The following CCDC201 variants were observed in gnomAD, a reference collection of about 807,000 sequenced individuals.
The protein encoded by CCDC201 is coiled-coil domain-containing protein 201.
At chr7:45,875,973 A>G (rs1261601947), upstream of CCDC201, among the ~76,000 whole-genome samples, 1 of 152,220 alleles carries the variant, frequency 6.6e-6, no homozygotes, top group African/African-American at 2.4e-5. Context: ...TGCAGAGATG[A>G]CCACGCCCTA....
At chr7:45,868,170 G>A (rs1786700200) in intron 1 of CCDC201, among the ~76,000 whole-genome samples, 1 of 152,172 alleles carries the variant, frequency 6.6e-6, no homozygotes, top group Admixed American at 6.5e-5. Flanking sequence ...TGGGGATGGA[G>A]GTTCTATGCC....
At chr7:45,877,442 A>G (rs1311280965), upstream of CCDC201, among the ~76,000 whole-genome samples, 3 of 152,198 alleles carry the variant, frequency 2.0e-5, no homozygotes, top group Non-Finnish European at 4.4e-5. Context: ...ATAAAGAAAT[A>G]CCTGAAACTG....
chr7:45,883,955 ATCTTTCTT>A, the CCDC201 span, among the ~76,000 whole-genome samples: 1 of 151,308 alleles, frequency 6.6e-6, no homozygotes, highest in Admixed American at 6.6e-5. Flanking sequence ...TCCAGAACCG[ATCTTTCTT>A]TCTTTTTCTT....
chr7:45,873,359 C>A (rs1446371599), upstream of CCDC201, among the ~76,000 whole-genome samples: 1 of 135,908 alleles, frequency 7.4e-6, no homozygotes, highest in Non-Finnish European at 1.6e-5. Context: ...AGATTACCAC[C>A]CCAACTCAAT....
chr7:45,880,695 C>T, the CCDC201 span, among the ~76,000 whole-genome samples: 1 of 152,248 alleles, frequency 6.6e-6, no homozygotes, highest in African/African-American at 2.4e-5. Context: ...TCGCAAAGTC[C>T]TGCAGAGCCA....
At chr7:45,868,318 G>C (rs1786702075) in intron 1 of CCDC201, among the ~76,000 whole-genome samples, 1 of 152,112 alleles carries the variant, frequency 6.6e-6, no homozygotes, top group Non-Finnish European at 1.5e-5. Flanking sequence ...AGGAGAGTAG[G>C]CCAAAAGAGC....
At chr7:45,875,544 C>A (rs1786791654), upstream of CCDC201, among the ~76,000 whole-genome samples, 1 of 152,022 alleles carries the variant, frequency 6.6e-6, no homozygotes, top group Non-Finnish European at 1.5e-5. Context: ...ATCCAGATGG[C>A]AGGATGGTGG....
the CCDC201 span, among the ~76,000 whole-genome samples, chr7:45,884,504 G>A: frequency 6.6e-6 from 1 of 152,000 alleles, no homozygotes; most frequent in Non-Finnish European, 1.5e-5. Flanking sequence ...CAGCCTCCAG[G>A]CCTCTTTGTG....
At chr7:45,860,006 T>C (rs1468860930) in exon 3 of CCDC201, 1 of 168,878 alleles carries the variant, frequency 5.9e-6, no homozygotes, top group Non-Finnish European at 1.3e-5. Flanking sequence ...GTGAGCAACA[T>C]GGCTGTTTAT....
intron 2 of CCDC201, among the ~76,000 whole-genome samples, chr7:45,864,139 G>A (rs970352855): frequency 6.6e-6 from 1 of 152,180 alleles, no homozygotes; most frequent in African/African-American, 2.4e-5. Flanking sequence ...GCTGAGAGCT[G>A]AGGCTCTCAG....
At chr7:45,876,493 G>T (rs1044281609), upstream of CCDC201, among the ~76,000 whole-genome samples, 1 of 152,106 alleles carries the variant, frequency 6.6e-6, no homozygotes, top group African/African-American at 2.4e-5. Context: ...AGCTGGCCAG[G>T]CCACCCCCAG....
At chr7:45,870,657 G>A (rs1019857580) in intron 1 of CCDC201, among the ~76,000 whole-genome samples, 6 of 152,088 alleles carry the variant, frequency 3.9e-5, no homozygotes, top group African/African-American at 1.2e-4. Flanking sequence ...AGACAATACA[G>A]CATCAACATT....
chr7:45,881,463 T>C, the CCDC201 span, among the ~76,000 whole-genome samples: 1 of 151,922 alleles, frequency 6.6e-6, no homozygotes, highest in East Asian at 1.9e-4. Flanking sequence ...AGTAACAGAG[T>C]GTGGGATGCG....
chr7:45,867,297 C>A (rs1202795841), intron 1 of CCDC201, among the ~76,000 whole-genome samples: 1 of 152,188 alleles, frequency 6.6e-6, no homozygotes, highest in African/African-American at 2.4e-5. Flanking sequence ...GATTTACTAC[C>A]AATGGAGGTA....
At chr7:45,863,947 G>T (rs61054083) in intron 2 of CCDC201, among the ~76,000 whole-genome samples, 24,227 of 152,070 alleles carry the variant, frequency 0.16, 2,075 homozygotes, top group East Asian at 0.26. Context: ...AGACAGAGTG[G>T]CCAAAGCTCT....
chr7:45,867,309 C>G (rs1457674923), intron 1 of CCDC201, among the ~76,000 whole-genome samples: 1 of 152,212 alleles, frequency 6.6e-6, no homozygotes, highest in African/African-American at 2.4e-5. Context: ...ATGGAGGTAA[C>G]TGCCAAAGCA....
At chr7:45,866,768 T>G (rs766858529) in intron 1 of CCDC201, among the ~76,000 whole-genome samples, 2 of 152,178 alleles carry the variant, frequency 1.3e-5, no homozygotes, top group African/African-American at 2.4e-5. Context: ...AGAGATGTAT[T>G]TTTCAAGAAT....
chr7:45,879,057 C>G, the CCDC201 span, among the ~76,000 whole-genome samples: 1 of 152,240 alleles, frequency 6.6e-6, no homozygotes, highest in Non-Finnish European at 1.5e-5. Flanking sequence ...CAAAGTTTAA[C>G]AGATCCCTCG....
At chr7:45,876,452 A>G (rs988591420), upstream of CCDC201, among the ~76,000 whole-genome samples, 2 of 152,096 alleles carry the variant, frequency 1.3e-5, no homozygotes, top group Non-Finnish European at 2.9e-5. Context: ...CCTAGCCTGG[A>G]CCCCATCTCA....
Sources: gnomAD v4.1 joint callset for allele counts (sites outside exome capture counted in the v4.1 genomes callset) on GRCh38, gnomAD v4.1.1 for gene constraint, MANE v1.5 for transcripts, NCBI Gene and HGNC (gene_info 2026-07-23, HGNC 2026-07-21) for gene names.